Variants in PSG4 observed in about 807,000 individuals in gnomAD.
PSG4 encodes the protein pregnancy specific beta-1-glycoprotein 4.
Under a neutral mutation model 44.3 loss-of-function variants are expected in PSG4, and 61 were observed. That is an observed-to-expected ratio of 1.38 (90% CI 1.12 to 1.70). The LOEUF (loss-of-function observed/expected upper bound fraction) is 1.70. Ranked by LOEUF, PSG4 falls within the 40% of genes most tolerant of loss-of-function variation. The pLI is 0.00. For synonymous variants in PSG4, 248 were observed against 191.3 expected (o/e 1.30, Z -2.45); for missense variants, 677 against 511.7 (o/e 1.32, Z -3.12).
intron 1 of PSG4, among the ~76,000 whole-genome samples, chr19:43,205,111 CTTTT>C (rs59165427): frequency 2.2e-5 from 2 of 90,850 alleles, no homozygotes; most frequent in African/African-American, 1.0e-4. Context: ...TTCCTTTTTT[CTTTT>C]TTTTTTTTTT....
At position 43,201,194 on chromosome 19, in the gene PSG4, G is replaced by C. The variant is rs183640929; in HGVS notation, c.430+2692C>G. On this transcript the variant is annotated intron_variant, in intron 2 of 5. Coordinates refer to ENST00000405312, the MANE Select transcript of PSG4 (RefSeq NM_002780.5). ...CTGTCCTCACTCGTTCCTGGGCATA[G>C]GCCAGGCTAACCTTGGGAGGAATTT... Among the ~76,000 whole-genome samples the C allele has an allele frequency of 8.2e-5, 12 of 145,840 alleles. 2 individuals carry two copies. Among genetic ancestry groups the C allele is most frequent in the African/African-American group, 3.1e-4 (12 of 38,200 alleles).
chr19:43,194,525 G>T lies in PSG4; in HGVS notation c.1058C>A (p.Ser353Tyr). 5 of 1,612,602 alleles carry T rather than the reference G, an allele frequency of 3.1e-6. 1 individual carries two copies. Among genetic ancestry groups the T allele is most frequent in the Non-Finnish European group, 4.2e-6 (5 of 1,179,162 alleles). ...YYRSGENLYL[S>Y]CFAESNPRAQ... is the part of the protein sequence containing the mutation. ...CCGTGGGTTAGACTCGGCGAAGCAG[G>T]ACAAGTAGAGGTTTTCTCCTGAACG... Residue 353 changes from serine to tyrosine, a missense_variant, in exon 5 of 6, where the codon TCC becomes TAC. Ser to Tyr is a moderately radical substitution (Grantham distance 144). Transcript: ENST00000405312.
rs866366633 is a variant in PSG4, at chr19:43,203,899, G to A, written c.417C>T (p.Thr139=). The A allele has an allele frequency of 2.5e-6, 4 of 1,581,228 alleles. No homozygotes were observed. Among genetic ancestry groups the A allele is most frequent in the East Asian group, 2.7e-5 (1 of 37,500 alleles). Reference sequence around the variant, plus strand: ...GGAATCACTCACGGTGTAAGGTGAAGGTGAAATGTCCAGTTACTCCTCCAG... The same window carrying A: ...GGAATCACTCACGGTGTAAGGTGAAAGTGAAATGTCCAGTTACTCCTCCAG... ...DGTGGVTGHF[T]FTLHLETPKP... is the part of the protein sequence containing the mutation. Residue 139 remains threonine (T), a synonymous_variant, in exon 2 of 6, where the codon ACC becomes ACT. Transcript: ENST00000405312.
At chr19:43,203,542 G>C in intron 2 of PSG4, 1 of 270,876 alleles carries the variant, frequency 3.7e-6, no homozygotes, top group South Asian at 5.5e-5. Context: ...GTATCTCAGG[G>C]GGCCCCTCAG....
At chr19:43,194,879 G>C in intron 4 of PSG4, 116 bp downstream of exon 4, 1 of 1,537,290 alleles carries the variant, frequency 6.5e-7, no homozygotes, top group Non-Finnish European at 8.7e-7. Context: ...GGCCACCTCG[G>C]ATGTCCAGAA....
rs780401119 is a variant in PSG4, at chr19:43,204,871, T to C, written c.64+602A>G. The C allele has an allele frequency of 1.5e-5, 6 of 404,668 alleles. 2 individuals are homozygous for C. The highest frequency in any genetic ancestry group is 1.5e-4 in the East Asian group (1 of 6,724). The allele number at this position is 404,668 out of a possible 1,614,324, so 25.1% of individuals were successfully genotyped here. Reference sequence around the variant, plus strand: ...GAGGTTTCTTGCTGAGGACAGTGTTTCATGTCCTGCTTATATTTTCATTTG... The same window carrying C: ...GAGGTTTCTTGCTGAGGACAGTGTTCCATGTCCTGCTTATATTTTCATTTG... On this transcript the variant is annotated intron_variant, in intron 1 of 5. Transcript: ENST00000405312.
At position 43,203,763 on chromosome 19, in the gene PSG4, A is replaced by AC. The variant is rs1262875031; in HGVS notation, c.430+122dup. On this transcript the variant is annotated intron_variant, in intron 2 of 5. Transcript: ENST00000405312. ...TGTGTGTCCTGCACTAAATGCCCAA[A>AC]CCCCAGCATGGGACTTAATGCAGAG... 5 of 1,473,030 alleles carry AC rather than the reference A, an allele frequency of 3.4e-6. No individual in the cohort carries two copies. The Admixed American group carries it at 6.1e-5, about 18-fold the overall frequency. The allele number at this position is 1,473,030 out of a possible 1,614,324, so 91.2% of individuals were successfully genotyped here. A position where few individuals can be genotyped will look rare whatever the true frequency, so the allele number is the denominator to read the frequency against.
chr19:43,205,432 G>T lies in PSG4; in HGVS notation c.64+41C>A, dbSNP rs753878935. ...CCAGGAGACCCCATCCAGTCACTCT[G>T]CTTCCTCCTCCTGTCCTCTCCCAGG... On this transcript the variant is annotated intron_variant, in intron 1 of 5. Transcript: ENST00000405312. 3.5e-5 allele frequency: 52 copies of T among 1,500,952 alleles called. 2 individuals carry two copies. Among genetic ancestry groups the T allele is most frequent in the Admixed American group, 5.3e-5 (3 of 56,900 alleles). The allele number at this position is 1,500,952 out of a possible 1,614,324, so 93.0% of individuals were successfully genotyped here. A position where few individuals can be genotyped will look rare whatever the true frequency, so the allele number is the denominator to read the frequency against.
intron 2 of PSG4, among the ~76,000 whole-genome samples, chr19:43,200,401 CA>C (rs1433173377): frequency 1.4e-5 from 2 of 142,336 alleles, no homozygotes; most frequent in Non-Finnish European, 3.0e-5. Context: ...TTGCTATTGT[CA>C]AAAAAAATAT....
At chr19:43,204,697 C>CCCCCCCCCCCCCCCG (rs142232112) in intron 1 of PSG4, 1 of 184,012 alleles carries the variant, frequency 5.4e-6, no homozygotes, top group Non-Finnish European at 9.6e-6. Context: ...TCTGTCTTCC[C>CCCCCCCCCCCCCCCG]CCCACGATGA....
Position 43,195,443 on chromosome 19 carries a change from G to T in PSG4, c.710-170C>A, listed in dbSNP as rs919935952. Among the ~76,000 whole-genome samples, 7 of 151,584 alleles carry T rather than the reference G, an allele frequency of 4.6e-5. No individual in the cohort carries two copies. The East Asian group carries it at 7.7e-4, about 17-fold the overall frequency. ...ATGCATGATGATCTAAGGGCTCAAA[G>T]ACTGTGAGGCCACCTGCTCTGTTTT... On this transcript the variant is annotated intron_variant, in intron 3 of 5. Coordinates refer to ENST00000405312, the MANE Select transcript of PSG4 (RefSeq NM_002780.5).
At position 43,192,995 on chromosome 19, in the gene PSG4, G is replaced by A. The variant is rs369238307; in HGVS notation, c.*377C>T. On this transcript the variant is annotated 3_prime_UTR_variant, in exon 6 of 6. Coordinates refer to ENST00000405312, the MANE Select transcript of PSG4 (RefSeq NM_002780.5). ...GAGATGACATATCTGACACTCTGTTGTTACCCTCAGAAGCTACTACATGTG... is the reference window on the plus strand; with the variant it reads ...GAGATGACATATCTGACACTCTGTTATTACCCTCAGAAGCTACTACATGTG... 30 of 531,328 alleles carry A rather than the reference G, an allele frequency of 5.6e-5. 2 individuals are homozygous for A. The highest frequency in any genetic ancestry group is 1.3e-4 in the African/African-American group (7 of 52,386). The allele number at this position is 531,328 out of a possible 1,614,324, so 32.9% of individuals were successfully genotyped here. A position where few individuals can be genotyped will look rare whatever the true frequency, so the allele number is the denominator to read the frequency against.
chr19:43,201,968 G>T (rs1362490377), intron 2 of PSG4, among the ~76,000 whole-genome samples: 3 of 144,352 alleles, frequency 2.1e-5, no homozygotes, highest in Admixed American at 6.9e-5. Flanking sequence ...TACAGTAGAA[G>T]CTCATTCTCT....
rs1473928462 is a variant in PSG4, at chr19:43,192,895, T to C, written c.*477A>G. On this transcript the variant is annotated 3_prime_UTR_variant, in exon 6 of 6. Coordinates refer to ENST00000405312, the MANE Select transcript of PSG4 (RefSeq NM_002780.5). ...CACACAGGCAATATCTCTGTGTTCATTTCTATTGGGAGCCCTGTATGCAAG... is the reference window on the plus strand; with the variant it reads ...CACACAGGCAATATCTCTGTGTTCACTTCTATTGGGAGCCCTGTATGCAAG... The C allele has an allele frequency of 4.5e-5, 15 of 334,656 alleles. 2 individuals are homozygous for C. In the Admixed American group the frequency reaches 6.1e-4, roughly 14 times the overall value. 20.7% of individuals were successfully genotyped at this position (334,656 alleles called of 1,614,324 possible).
At chr19:43,198,761 C>G (rs1967372849) in intron 2 of PSG4, 1 of 159,554 alleles carries the variant, frequency 6.3e-6, no homozygotes, top group Non-Finnish European at 1.3e-5. Flanking sequence ...ACTGGAAAGC[C>G]TGACCTGGGA....
At chr19:43,195,803 A>G (rs4239519) in intron 3 of PSG4, among the ~76,000 whole-genome samples, 101,785 of 149,532 alleles carry the variant, frequency 0.68, 35,599 homozygotes, top group East Asian at 0.93. Context: ...ATAACACAGG[A>G]GAGACCAGAG....
chr19:43,195,746 C>T (rs976773816), intron 3 of PSG4, among the ~76,000 whole-genome samples: 1 of 150,844 alleles, frequency 6.6e-6, no homozygotes, highest in Admixed American at 6.7e-5. Flanking sequence ...TCCTGAAACC[C>T]TGAAGATACT....
chr19:43,200,802 C>T (rs1181122085), intron 2 of PSG4, among the ~76,000 whole-genome samples: 1 of 146,020 alleles, frequency 6.8e-6, no homozygotes, highest in Non-Finnish European at 1.5e-5. Context: ...GTCTCCATCT[C>T]CTGACCTTGT....
rs762879630 is a variant in PSG4 at position 43,194,461 on chromosome 19, T to C, written c.1122A>G (p.Leu374=). The part of the protein sequence containing the change: ...YSWTINGKFQ[L]SGQKLSIPQI... ...GGGGGATAGAGAGCTTTTGTCCTGA[T>C]AGCTGAAACTTCCCATTAATTGTCC... Residue 374 remains leucine (L), a synonymous_variant, in exon 5 of 6, where the codon CTA becomes CTG. Coordinates refer to ENST00000405312, the MANE Select transcript of PSG4 (RefSeq NM_002780.5). The C allele has an allele frequency of 1.2e-6, 2 of 1,612,384 alleles. No individual in the cohort carries two copies. Among genetic ancestry groups the C allele is most frequent in the African/African-American group, 1.3e-5 (1 of 74,564 alleles).
Sources: gnomAD v4.1 joint callset for allele counts (sites outside exome capture counted in the v4.1 genomes callset) on GRCh38, gnomAD v4.1.1 for gene constraint, MANE v1.5 for transcripts, NCBI Gene and HGNC (gene_info 2026-07-23, HGNC 2026-07-21) for gene names.